Variants in KCNK2 observed in about 807,000 individuals in gnomAD.
KCNK2 encodes potassium channel subfamily K member 2.
In KCNK2, 21 loss-of-function variants were observed where a neutral mutation model predicts 40.5. The observed-to-expected ratio is 0.52, with a 90% CI of 0.37 to 0.75. The LOEUF is 0.75. Ranked by LOEUF, KCNK2 falls within the 30% of genes least tolerant of loss-of-function variation. KCNK2 has a pLI of 0.00. For missense variants in KCNK2, 399 were observed against 531.6 expected, an observed-to-expected ratio of 0.75 and a Z score of 2.45; for synonymous variants, 191 against 202.2, an observed-to-expected ratio of 0.94 and a Z score of 0.47.
chr1:215,215,236 T>C (rs973886272), intron 6 of KCNK2, among the ~76,000 whole-genome samples: 5 of 151,596 alleles, frequency 3.3e-5, no homozygotes, highest in African/African-American at 1.2e-4. Context: ...TAAAAGGCAA[T>C]AGGTAATACT....
chr1:215,173,940 A>G (rs1254595239), intron 5 of KCNK2, among the ~76,000 whole-genome samples: 2 of 152,144 alleles, frequency 1.3e-5, no homozygotes, highest in Non-Finnish European at 2.9e-5. Flanking sequence ...CTCTGATGGT[A>G]GTTTCTTTTG....
At chr1:215,225,300 A>C (rs1172946519) in intron 6 of KCNK2, among the ~76,000 whole-genome samples, 7 of 152,206 alleles carry the variant, frequency 4.6e-5, no homozygotes, top group Admixed American at 2.0e-4. Context: ...TCTGTAGCTG[A>C]CAGGCTTCTC....
chr1:215,169,433 C>G, intron 4 of KCNK2, 74 bp downstream of exon 4: 1 of 1,173,972 alleles, frequency 8.5e-7, no homozygotes, highest in Non-Finnish European at 1.2e-6. Flanking sequence ...TTTCTGTCAC[C>G]TCAGATACAA....
At chr1:215,176,401 C>G (rs910784049) in intron 5 of KCNK2, among the ~76,000 whole-genome samples, 4 of 151,924 alleles carry the variant, frequency 2.6e-5, no homozygotes, top group African/African-American at 9.7e-5. Context: ...CATAGGCAAA[C>G]GTGTGCCATG....
intron 5 of KCNK2, among the ~76,000 whole-genome samples, chr1:215,188,058 G>T: frequency 6.6e-6 from 1 of 151,978 alleles, no homozygotes; most frequent in East Asian, 1.9e-4. Flanking sequence ...AAATCCTCAT[G>T]GTTAATATTA....
chr1:215,116,025 T>A (rs1362427229), intron 2 of KCNK2, among the ~76,000 whole-genome samples: 1 of 151,482 alleles, frequency 6.6e-6, no homozygotes, highest in Non-Finnish European at 1.5e-5. Context: ...AGAATTTCAG[T>A]GTTTCAAGTT....
rs539020569 is a variant in KCNK2 at position 215,215,987 on chromosome 1, A to C, written c.964-18841A>C. ...ATTACAGTTTAGCCAAGTTAATTAA[A>C]ATACAGCAGCATGCTTGTAAGACAG... On this transcript the variant is annotated intron_variant, in intron 6 of 6. Transcript: ENST00000444842. Among the ~76,000 whole-genome samples, 31 of 152,302 alleles carry C rather than the reference A, an allele frequency of 2.0e-4. No homozygotes were observed. The South Asian group carries it at 6.2e-3, about 31-fold the overall frequency.
chr1:215,007,027 A>ATGTGTGTGTGTGTGTGTGTGTGTGTG (rs1398954474), intron 1 of KCNK2, among the ~76,000 whole-genome samples: 8 of 56,152 alleles, frequency 1.4e-4, no homozygotes, highest in Admixed American at 3.4e-4. Flanking sequence ...ATATATATAT[A>ATGTGTGTGTGTGTGTGTGTGTGTGTG]TATATATATA....
chr1:215,149,634 G>C (rs1455386633), intron 3 of KCNK2, among the ~76,000 whole-genome samples: 1 of 152,158 alleles, frequency 6.6e-6, no homozygotes, highest in African/African-American at 2.4e-5. Flanking sequence ...CATGAAATAA[G>C]CTAGTACGAT....
intron 1 of KCNK2, among the ~76,000 whole-genome samples, chr1:215,027,656 A>C (rs1337348402): frequency 1.2e-4 from 18 of 152,182 alleles, no homozygotes; most frequent in Admixed American, 2.6e-4. Context: ...TCACATGTAC[A>C]TTCCTCCGTG....
At chr1:215,225,542 G>T (rs967841307) in intron 6 of KCNK2, among the ~76,000 whole-genome samples, 1 of 152,172 alleles carries the variant, frequency 6.6e-6, no homozygotes, top group African/African-American at 2.4e-5. Flanking sequence ...CACTGGTAGA[G>T]AACCTATGAA....
upstream of KCNK2, among the ~76,000 whole-genome samples, chr1:215,080,901 A>C (rs2363558): frequency 1.3e-5 from 2 of 152,228 alleles, no homozygotes; most frequent in African/African-American, 2.4e-5. Context: ...AAGGTGTTTC[A>C]TAAATGTGTT....
chr1:215,232,712 C>CA (rs1558151237), intron 6 of KCNK2, among the ~76,000 whole-genome samples: 1 of 152,010 alleles, frequency 6.6e-6, no homozygotes, highest in African/African-American at 2.4e-5. Context: ...TAAGATAACA[C>CA]AAAAAAGAAG....
At chr1:215,053,907 C>T (rs1658072058) in intron 1 of KCNK2, among the ~76,000 whole-genome samples, 2 of 152,316 alleles carry the variant, frequency 1.3e-5, no homozygotes, top group Non-Finnish European at 2.9e-5. Flanking sequence ...GCGGAGGTTG[C>T]AGTGAGCCAA....
intron 3 of KCNK2, among the ~76,000 whole-genome samples, chr1:215,141,794 G>T (rs1662184426): frequency 6.6e-6 from 1 of 151,954 alleles, no homozygotes; most frequent in South Asian, 2.1e-4. Context: ...CCAACTAACT[G>T]CTGTTTTCAT....
At chr1:215,104,853 G>T (rs988423338) in intron 2 of KCNK2, among the ~76,000 whole-genome samples, 11 of 151,538 alleles carry the variant, frequency 7.3e-5, no homozygotes, top group African/African-American at 1.2e-4. Flanking sequence ...GGGCTATGGG[G>T]TTTTTTTTCT....
chr1:215,172,371 C>T (rs1474461702), intron 5 of KCNK2, among the ~76,000 whole-genome samples, 188 bp downstream of exon 5: 1 of 152,038 alleles, frequency 6.6e-6, no homozygotes, highest in Non-Finnish European at 1.5e-5. Flanking sequence ...ATCAAGGTAC[C>T]AGCAGGGCCA....
chr1:215,091,291 G>A (rs578260697), intron 2 of KCNK2, among the ~76,000 whole-genome samples: 1 of 152,194 alleles, frequency 6.6e-6, no homozygotes, highest in East Asian at 1.9e-4. Flanking sequence ...AGGGGCAGGG[G>A]CATGAGCAGG....
chr1:215,203,433 G>A (rs190428490), intron 6 of KCNK2, among the ~76,000 whole-genome samples: 3 of 152,134 alleles, frequency 2.0e-5, no homozygotes, highest in Admixed American at 2.0e-4. Flanking sequence ...TATGTGATGT[G>A]GCTGAATGCT....
Sources: gnomAD v4.1 joint callset for allele counts (sites outside exome capture counted in the v4.1 genomes callset) on GRCh38, gnomAD v4.1.1 for gene constraint, MANE v1.5 for transcripts, NCBI Gene and HGNC (gene_info 2026-07-23, HGNC 2026-07-21) for gene names.